The following GFRA1 variants were observed in gnomAD, a reference collection of about 807,000 sequenced individuals.
GFRA1 encodes GDNF family receptor alpha 1, also known as GDNF family receptor alpha-1.
In GFRA1, 16 loss-of-function variants were observed where a neutral mutation model predicts 51.6. That is an observed-to-expected ratio of 0.31 (90% CI 0.21 to 0.47). GFRA1 has a LOEUF of 0.47. GFRA1 is among the 20% of genes least tolerant of loss of function. The pLI, the probability that GFRA1 is intolerant of heterozygous loss-of-function variation, is 1.00. For missense variants in GFRA1, 530 were observed against 594.3 expected (o/e 0.89, Z 1.13); for synonymous variants, 270 against 241.3 (o/e 1.12, Z -1.10).
At chr10:116,158,979 C>T (rs912073588) in intron 5 of GFRA1, among the ~76,000 whole-genome samples, 3 of 152,324 alleles carry the variant, frequency 2.0e-5, no homozygotes, top group South Asian at 4.1e-4. Flanking sequence ...TCCCATCCTC[C>T]GCAGCAAACG....
intron 4 of GFRA1, among the ~76,000 whole-genome samples, chr10:116,256,225 A>G (rs1247881910): frequency 6.6e-6 from 1 of 152,184 alleles, no homozygotes; most frequent in African/African-American, 2.4e-5. Context: ...TGGAACATGG[A>G]ATTCAAACCC....
intron 5 of GFRA1, among the ~76,000 whole-genome samples, chr10:116,184,864 G>A (rs1962557250): frequency 6.6e-6 from 1 of 152,120 alleles, no homozygotes; most frequent in Non-Finnish European, 1.5e-5. Context: ...GGGCCCACAT[G>A]TCCCCAACAG....
chr10:116,107,119 C>T (rs1338528343), intron 6 of GFRA1, among the ~76,000 whole-genome samples: 8 of 152,180 alleles, frequency 5.3e-5, no homozygotes, highest in Non-Finnish European at 1.0e-4. Flanking sequence ...CTCTTTATAG[C>T]AATGCAAGAA....
chr10:116,211,509 G>C, intron 5 of GFRA1, 122 bp downstream of exon 5: 1 of 887,330 alleles, frequency 1.1e-6, no homozygotes, highest in Non-Finnish European at 1.8e-6. Context: ...TGGTGTCCCT[G>C]AGGGCCTAAA....
chr10:116,134,034 G>GA (rs1271726398), intron 5 of GFRA1, among the ~76,000 whole-genome samples: 1 of 152,206 alleles, frequency 6.6e-6, no homozygotes, highest in Non-Finnish European at 1.5e-5. Context: ...CAGTTGAAAC[G>GA]ATTCAGGATG....
chr10:116,167,953 T>C (rs917164194), intron 5 of GFRA1, among the ~76,000 whole-genome samples: 9 of 151,870 alleles, frequency 5.9e-5, no homozygotes, highest in Non-Finnish European at 1.0e-4. Flanking sequence ...GTGGGGAAGA[T>C]TGGGGGGAGG....
chr10:116,117,691 G>A (rs949152541), intron 6 of GFRA1, among the ~76,000 whole-genome samples: 1 of 152,108 alleles, frequency 6.6e-6, no homozygotes, highest in South Asian at 2.1e-4. Flanking sequence ...GAGATAGATT[G>A]ATGGAGAGAG....
chr10:116,273,592 C>G (rs1246500416), upstream of GFRA1: 1 of 152,362 alleles, frequency 6.6e-6, no homozygotes, highest in East Asian at 1.9e-4. Flanking sequence ...CCCGTACTCG[C>G]GCACAGGACA....
At chr10:116,162,436 G>A (rs762865406) in intron 5 of GFRA1, among the ~76,000 whole-genome samples, 38 of 152,180 alleles carry the variant, frequency 2.5e-4, no homozygotes, top group Admixed American at 3.9e-4. Context: ...CTCTCCAAGC[G>A]GTACTCGCAT....
intron 5 of GFRA1, among the ~76,000 whole-genome samples, chr10:116,140,286 G>T (rs949959508): frequency 6.6e-6 from 1 of 152,186 alleles, no homozygotes; most frequent in Non-Finnish European, 1.5e-5. Flanking sequence ...GGAGGGCAAG[G>T]CTTTCTCAGA....
At chr10:116,230,654 G>A (rs188747659) in intron 4 of GFRA1, among the ~76,000 whole-genome samples, 142 of 152,112 alleles carry the variant, frequency 9.3e-4, no homozygotes, top group African/African-American at 3.3e-3. Context: ...GTTAGACAGA[G>A]GCCATACGTA....
chr10:116,218,911 A>G (rs1393206761), intron 4 of GFRA1, among the ~76,000 whole-genome samples: 1 of 152,044 alleles, frequency 6.6e-6, no homozygotes, highest in East Asian at 1.9e-4. Context: ...TTCACCTTTT[A>G]TCATATTAGA....
chr10:116,256,037 C>G (rs1968822581), intron 4 of GFRA1, among the ~76,000 whole-genome samples: 1 of 152,086 alleles, frequency 6.6e-6, no homozygotes, highest in South Asian at 2.1e-4. Context: ...TGGCAGTCAT[C>G]CACCTACCCA....
At chr10:116,215,407 C>A (rs999644931) in intron 4 of GFRA1, among the ~76,000 whole-genome samples, 2 of 152,172 alleles carry the variant, frequency 1.3e-5, no homozygotes, top group African/African-American at 2.4e-5. Context: ...AGGGAGTAGT[C>A]ATTTACACAA....
rs779520225 is a variant in GFRA1 at position 116,270,816 on chromosome 10, G to C, written c.334+6C>G. 1.9e-6 allele frequency: 3 copies of C among 1,609,412 alleles called. No homozygotes were observed. The highest frequency in any genetic ancestry group is 1.7e-5 in the Admixed American group (1 of 59,956). On this transcript the variant is annotated splice_donor_region_variant and intron_variant, in intron 3 of 10. Transcript: ENST00000355422. ...ACGGGGTGGGGTGGGGAGGTTCCAC[G>C]CGTACCCTGCAGGCTCTGGTACATG...
At chr10:116,211,674 G>A in intron 4 of GFRA1, 29 bp from the exon 5 acceptor site, 1 of 1,534,808 alleles carries the variant, frequency 6.5e-7, no homozygotes, top group Non-Finnish European at 8.8e-7. Context: ...AGTAGGGGAG[G>A]GGAGAGGGGA....
At chr10:116,204,520 T>C (rs1964579669) in intron 5 of GFRA1, among the ~76,000 whole-genome samples, 1 of 152,144 alleles carries the variant, frequency 6.6e-6, no homozygotes. Context: ...TACAATCCTA[T>C]TGATTGTGGG....
At chr10:116,138,097 G>A (rs984721356) in intron 5 of GFRA1, among the ~76,000 whole-genome samples, 4 of 152,026 alleles carry the variant, frequency 2.6e-5, no homozygotes, top group South Asian at 2.1e-4. Flanking sequence ...CACCGCGCCC[G>A]GCCTGTATGT....
rs56387404 is a variant in GFRA1, at chr10:116,127,101, GAA to G, written c.434-1546_434-1545del. On this transcript the variant is annotated intron_variant, in intron 5 of 10. Transcript: ENST00000355422. ...GTTGCCAGGGGCTGGAGAAGAAAAT[GAA>G]AAAAAAAAAAATGGGGAGTTGCTCT... Among the ~76,000 whole-genome samples the G allele has an allele frequency of 1.2e-3, 173 of 149,302 alleles. 1 individual carries two copies. The highest frequency in any genetic ancestry group is 3.5e-3 in the Middle Eastern group (1 of 286).
Sources: gnomAD v4.1 joint callset for allele counts (sites outside exome capture counted in the v4.1 genomes callset) on GRCh38, gnomAD v4.1.1 for gene constraint, MANE v1.5 for transcripts, NCBI Gene and HGNC (gene_info 2026-07-23, HGNC 2026-07-21) for gene names.